The following PDE4D variants were observed in gnomAD, a reference collection of about 807,000 sequenced individuals.
PDE4D encodes the protein 3',5'-cyclic-AMP phosphodiesterase 4D.
PDE4D carries 24 observed loss-of-function variants against 87.4 expected under a neutral mutation model. The observed-to-expected ratio is 0.27, with a 90% CI of 0.20 to 0.39. PDE4D has a LOEUF of 0.39. PDE4D is among the 10% of genes least tolerant of loss of function. The pLI is 1.00. For synonymous variants in PDE4D, 384 were observed against 383.2 expected, an observed-to-expected ratio of 1.00 and a Z score of -0.02; for missense variants, 714 against 1,041.0, an observed-to-expected ratio of 0.69 and a Z score of 4.32.
chr5:59,029,437 ACTT>A, intron 6 of PDE4D, among the ~76,000 whole-genome samples: 3 of 150,950 alleles, frequency 2.0e-5, no homozygotes, highest in Admixed American at 6.6e-5. Flanking sequence ...AAAAAAAAAA[ACTT>A]AGGAGCAAAT....
intron 1 of PDE4D, among the ~76,000 whole-genome samples, chr5:59,626,153 A>G (rs1025758503): frequency 6.6e-6 from 1 of 152,238 alleles, no homozygotes; most frequent in Admixed American, 6.5e-5. Flanking sequence ...GTCCGTTAAC[A>G]TTAAAGTAAT....
chr5:59,436,785 A>G (rs943920362), intron 1 of PDE4D, among the ~76,000 whole-genome samples: 6 of 152,182 alleles, frequency 3.9e-5, no homozygotes, highest in African/African-American at 2.4e-5. Flanking sequence ...TTCTCTCAAA[A>G]TATTATTTTA....
intron 5 of PDE4D, among the ~76,000 whole-genome samples, chr5:59,111,559 T>C (rs983040550): frequency 2.6e-5 from 4 of 151,986 alleles, no homozygotes; most frequent in African/African-American, 9.7e-5. Flanking sequence ...AGACATTGTT[T>C]TGAGAAAAAA....
intron 5 of PDE4D, among the ~76,000 whole-genome samples, chr5:59,170,114 T>C (rs781601730): frequency 9.2e-5 from 14 of 152,192 alleles, no homozygotes; most frequent in Non-Finnish European, 1.6e-4. Flanking sequence ...CACTGCAGCA[T>C]CAACTTCCTG....
At chr5:59,507,868 C>T (rs56200766) in intron 1 of PDE4D, among the ~76,000 whole-genome samples, 71,340 of 151,580 alleles carry the variant, frequency 0.47, 17,865 homozygotes, top group African/African-American at 0.61. Context: ...TACAGCTTAG[C>T]AATATACTGC....
At chr5:59,337,221 C>A (rs965497949) in intron 1 of PDE4D, among the ~76,000 whole-genome samples, 1 of 152,106 alleles carries the variant, frequency 6.6e-6, no homozygotes, top group Admixed American at 6.6e-5. Flanking sequence ...TTTTGTAAAC[C>A]AAGCTTGCAT....
chr5:59,730,061 T>A (rs1757162168), intron 1 of PDE4D, among the ~76,000 whole-genome samples: 1 of 152,118 alleles, frequency 6.6e-6, no homozygotes. Context: ...GACTATGGAA[T>A]GAGCAGATTC....
At chr5:59,897,414 G>C (rs1293264682), upstream of PDE4D, among the ~76,000 whole-genome samples, 1 of 151,846 alleles carries the variant, frequency 6.6e-6, no homozygotes, top group Non-Finnish European at 1.5e-5. Context: ...GTAACTAAGG[G>C]TCCATTTCTA....
chr5:60,009,754 G>A (rs1764836951), intron 2 of PDE4D, among the ~76,000 whole-genome samples: 1 of 152,028 alleles, frequency 6.6e-6, no homozygotes, highest in East Asian at 1.9e-4. Flanking sequence ...TCTTCGCTGT[G>A]GTTGGCTATC....
chr5:59,812,089 AT>A (rs1331794969), intron 1 of PDE4D, among the ~76,000 whole-genome samples: 1 of 152,078 alleles, frequency 6.6e-6, no homozygotes. Flanking sequence ...TTTTGTTCTC[AT>A]TTTTAGGCTC....
At chr5:60,474,013 C>A (rs1183415755) in intron 1 of PDE4D, among the ~76,000 whole-genome samples, 1 of 148,850 alleles carries the variant, frequency 6.7e-6, no homozygotes, top group African/African-American at 2.5e-5. Context: ...TCCAAGTCAT[C>A]ACTCAGATCC....
intron 1 of PDE4D, among the ~76,000 whole-genome samples, chr5:59,825,949 T>A (rs2152692560): frequency 6.6e-6 from 1 of 152,250 alleles, no homozygotes; most frequent in East Asian, 1.9e-4. Flanking sequence ...GAATAAGAAA[T>A]GAGAGAACAA....
At chr5:60,147,155 A>G (rs1394838774) in intron 2 of PDE4D, among the ~76,000 whole-genome samples, 1 of 152,216 alleles carries the variant, frequency 6.6e-6, no homozygotes, top group Non-Finnish European at 1.5e-5. Flanking sequence ...CTACACTGGT[A>G]CTTCCCCATT....
rs1754749469 is a variant in PDE4D, at chr5:60,308,896, T to C, written c.-89-123209A>G. 3.9e-5 allele frequency among the ~76,000 whole-genome samples: 6 copies of C among 152,226 alleles called. No individual in the cohort carries two copies. The South Asian group carries it at 1.2e-3, about 32-fold the overall frequency. On this transcript the variant is annotated intron_variant, in intron 1 of 16. Coordinates refer to the PDE4D transcript ENST00000502484. ...CGCCCACCACCATTTCCCCCAGATATCCTACTCTGCCTCTCAGTGATTTAG... is the reference window on the plus strand; with the variant it reads ...CGCCCACCACCATTTCCCCCAGATACCCTACTCTGCCTCTCAGTGATTTAG...
chr5:60,260,901 G>C (rs2149703241), intron 1 of PDE4D, among the ~76,000 whole-genome samples: 1 of 152,184 alleles, frequency 6.6e-6, no homozygotes. Flanking sequence ...AGATAGACTT[G>C]ATAAAATTTC....
chr5:59,471,304 G>A (rs979384933), intron 1 of PDE4D, among the ~76,000 whole-genome samples: 1 of 152,150 alleles, frequency 6.6e-6, no homozygotes, highest in Non-Finnish European at 1.5e-5. Context: ...AGGTGAGCCT[G>A]TATTGCCATT....
At chr5:60,325,722 T>C (rs1453041971) in intron 1 of PDE4D, among the ~76,000 whole-genome samples, 2 of 152,152 alleles carry the variant, frequency 1.3e-5, no homozygotes, top group Non-Finnish European at 2.9e-5. Flanking sequence ...AACCAATATA[T>C]TGACATTGAT....
chr5:59,219,113 G>A (rs1305254271), intron 1 of PDE4D, among the ~76,000 whole-genome samples: 2 of 150,260 alleles, frequency 1.3e-5, no homozygotes, highest in Admixed American at 6.6e-5. Flanking sequence ...GTTAGTGGGT[G>A]CAGTGCACCA....
chr5:59,012,424 G>GAC (rs1477539029), intron 6 of PDE4D, among the ~76,000 whole-genome samples: 1 of 152,056 alleles, frequency 6.6e-6, no homozygotes, highest in Non-Finnish European at 1.5e-5. Context: ...CATGCAGAGA[G>GAC]ACACATAGGC....
Sources: gnomAD v4.1 joint callset for allele counts (sites outside exome capture counted in the v4.1 genomes callset) on GRCh38, gnomAD v4.1.1 for gene constraint, MANE v1.5 for transcripts, NCBI Gene and HGNC (gene_info 2026-07-23, HGNC 2026-07-21) for gene names.